Variants in ATP9B observed in about 807,000 individuals in gnomAD.
The protein encoded by ATP9B is probable phospholipid-transporting ATPase IIB.
Under a neutral mutation model 146.1 loss-of-function variants are expected in ATP9B, and 110 were observed. That is an observed-to-expected ratio of 0.75 (90% CI 0.65 to 0.88). ATP9B has a LOEUF of 0.88. Ranked by LOEUF, ATP9B falls within the 40% of genes least tolerant of loss-of-function variation. The pLI is 0.00. For missense variants in ATP9B, 1,499 were observed against 1,496.4 expected (o/e 1.00, Z -0.03); for synonymous variants, 604 against 569.7 (o/e 1.06, Z -0.86).
At chr18:79,169,243 G>T (rs147716225) in intron 7 of ATP9B, among the ~76,000 whole-genome samples, 2 of 152,136 alleles carry the variant, frequency 1.3e-5, no homozygotes, top group African/African-American at 4.8e-5. Flanking sequence ...CTATTTGTAT[G>T]GTCAACCCCA....
At position 79,327,572 on chromosome 18, in the gene ATP9B, AGCGTGCTCTCCGTGGTTAACG is replaced by A. The variant is rs1568697761; in HGVS notation, c.1774-1568_1774-1548del. Among the ~76,000 whole-genome samples, 876 of 134,436 alleles carry A rather than the reference AGCGTGCTCTCCGTGGTTAACG, an allele frequency of 6.5e-3. 79 individuals carry two copies. The highest frequency in any genetic ancestry group is 0.024 in the African/African-American group (804 of 34,114). 88.2% of individuals were successfully genotyped at this position (134,436 alleles called of 152,430 possible). A position where few individuals can be genotyped will look rare whatever the true frequency, so the allele number is the denominator to read the frequency against. ...CGTGGTTAGCGTGCTCTCCGTGGTT[AGCGTGCTCTCCGTGGTTAACG>A]TGCCCTCCGTGGTTAGCGTGCCCTC... is the stretch of plus-strand genomic sequence containing the variant. On this transcript the variant is annotated intron_variant, in intron 15 of 29. Coordinates refer to ENST00000426216, the MANE Select transcript of ATP9B (RefSeq NM_198531.5).
At chr18:79,328,675 T>A (rs1028776951) in intron 15 of ATP9B, among the ~76,000 whole-genome samples, 1 of 152,210 alleles carries the variant, frequency 6.6e-6, no homozygotes, top group African/African-American at 2.4e-5. Flanking sequence ...TAGAGTTAAT[T>A]AGTCACCAAT....
At position 79,236,583 on chromosome 18, in the gene ATP9B, C is replaced by G. The variant is rs1053895476; in HGVS notation, c.1108-16798C>G. Reference sequence around the variant, plus strand: ...TCCTTTCTGTTACATTTCTAAACATCTAGAATTGGTTTTTGTATATAAGAA... The same window carrying G: ...TCCTTTCTGTTACATTTCTAAACATGTAGAATTGGTTTTTGTATATAAGAA... On this transcript the variant is annotated intron_variant, in intron 11 of 29. Coordinates refer to ENST00000426216, the MANE Select transcript of ATP9B (RefSeq NM_198531.5). Among the ~76,000 whole-genome samples the G allele has an allele frequency of 5.9e-5, 9 of 152,284 alleles. No individual in the cohort carries two copies. The South Asian group carries it at 8.3e-4, about 14-fold the overall frequency.
rs146536833 is a variant in ATP9B, at chr18:79,374,132, G to A, written c.3274+31G>A. 822 of 1,598,552 alleles carry A rather than the reference G, an allele frequency of 5.1e-4. 4 individuals carry two copies. In the African/African-American group the frequency reaches 7.9e-3, roughly 15 times the overall value. On this transcript the variant is annotated intron_variant, in intron 28 of 29. Coordinates refer to ENST00000426216, the MANE Select transcript of ATP9B (RefSeq NM_198531.5). ...TTGCCTTGGAATTGTTTTTTGAATC[G>A]TTCTCTATTCATGATTTTGAAGTAT...
chr18:79,123,844 T>C (rs1024776675), intron 4 of ATP9B, among the ~76,000 whole-genome samples: 2 of 152,122 alleles, frequency 1.3e-5, no homozygotes, highest in Admixed American at 6.6e-5. Flanking sequence ...AGGAAAAAGG[T>C]AGGTAAAGGA....
intron 8 of ATP9B, among the ~76,000 whole-genome samples, chr18:79,182,636 G>A (rs1053249348): frequency 9.6e-6 from 1 of 103,832 alleles, no homozygotes; most frequent in South Asian, 2.8e-4. Context: ...TGTTTTCATG[G>A]GAGGACAAGT....
In ATP9B at chr18:79,110,462, C is replaced by A. The variant is rs757682267; in HGVS notation, c.401C>A (p.Ser134Tyr). The A allele has an allele frequency of 5.6e-6, 9 of 1,613,060 alleles. No individual in the cohort carries two copies. The highest frequency in any genetic ancestry group is 7.6e-6 in the Non-Finnish European group (9 of 1,179,430). The change falls in exon 3 of 30, where the codon TCT (serine) becomes TAT (tyrosine). Residue 134 changes from serine (S) to tyrosine (Y), a missense_variant. Physicochemically the swap from Ser to Tyr is moderately radical, Grantham distance 144 (BLOSUM62 -2). Coordinates refer to ENST00000426216, the MANE Select transcript of ATP9B (RefSeq NM_198531.5). The stretch of plus-strand genomic sequence containing the variant: ...TGTGAAGAAAAACATCCCAGGAATT[C>A]TATAAAAAATCAAAAATACAATGTG... Reference protein sequence around the residue: ...EKCEEKHPRNSIKNQKYNVFT... With the variant: ...EKCEEKHPRNYIKNQKYNVFT...
In ATP9B at chr18:79,282,661, G is replaced by A. The variant is rs556904741; in HGVS notation, c.1411+5465G>A. On this transcript the variant is annotated intron_variant, in intron 13 of 29. Coordinates refer to ENST00000426216, the MANE Select transcript of ATP9B (RefSeq NM_198531.5). ...ATCACTTTTCTATGAACTGGGAAAC[G>A]CAAAAAGTCATGTGGCTCACTTTGT... Among the ~76,000 whole-genome samples, 251 of 152,260 alleles carry A rather than the reference G, an allele frequency of 1.6e-3. 2 individuals are homozygous for A. The highest frequency in any genetic ancestry group is 3.0e-3 in the Non-Finnish European group (205 of 68,018).
intron 6 of ATP9B, among the ~76,000 whole-genome samples, chr18:79,148,716 A>G (rs2094632919): frequency 6.6e-6 from 1 of 152,262 alleles, no homozygotes; most frequent in Non-Finnish European, 1.5e-5. Context: ...TCTGTAAGGC[A>G]AGAAAATAAA....
intron 11 of ATP9B, among the ~76,000 whole-genome samples, chr18:79,250,028 A>T (rs557143273): frequency 1.8e-4 from 28 of 152,302 alleles, no homozygotes; most frequent in African/African-American, 6.3e-4. Context: ...GGGTTGGGAG[A>T]AGACAACATA....
At chr18:79,366,183 G>T (rs905330050) in intron 26 of ATP9B, among the ~76,000 whole-genome samples, 1 of 152,244 alleles carries the variant, frequency 6.6e-6, no homozygotes, top group Non-Finnish European at 1.5e-5. Flanking sequence ...TTTGAGTGTA[G>T]AGGGTGACCG....
At chr18:79,327,632 C>CT in intron 15 of ATP9B, among the ~76,000 whole-genome samples, 2 of 137,170 alleles carry the variant, frequency 1.5e-5, no homozygotes, top group Admixed American at 7.4e-5. Flanking sequence ...GGTTAGTGTG[C>CT]CCTCCCTGGT....
In ATP9B at chr18:79,275,986, C is replaced by T. The variant is rs114380189; in HGVS notation, c.1269-1068C>T. Among the ~76,000 whole-genome samples the T allele has an allele frequency of 4.6e-3, 701 of 152,268 alleles. 4 individuals carry two copies. The highest frequency in any genetic ancestry group is 0.012 in the African/African-American group (513 of 41,542). On this transcript the variant is annotated intron_variant, in intron 12 of 29. Transcript: ENST00000426216. ...ACTGTGATTCCTAAAGACTATTTTT[C>T]GAGTGTGTACTTATTAATAGTTGAG...
intron 11 of ATP9B, among the ~76,000 whole-genome samples, chr18:79,220,900 C>T (rs2095670617): frequency 1.3e-5 from 2 of 152,218 alleles, no homozygotes; most frequent in Admixed American, 6.5e-5. Context: ...CTGCCTCTGA[C>T]TTGCTCTCTT....
intron 11 of ATP9B, among the ~76,000 whole-genome samples, chr18:79,232,257 C>T (rs928195245): frequency 6.6e-6 from 1 of 152,172 alleles, no homozygotes; most frequent in Non-Finnish European, 1.5e-5. Flanking sequence ...GGCACAGACC[C>T]ATTAAAAAAC....
At chr18:79,071,302 T>C (rs1316208154) in intron 1 of ATP9B, among the ~76,000 whole-genome samples, 1 of 151,638 alleles carries the variant, frequency 6.6e-6, no homozygotes, top group Non-Finnish European at 1.5e-5. Flanking sequence ...ACAGTTTTTG[T>C]GTCAGTCATC....
intron 15 of ATP9B, among the ~76,000 whole-genome samples, chr18:79,312,774 T>C (rs976130160): frequency 6.6e-6 from 1 of 152,214 alleles, no homozygotes; most frequent in Non-Finnish European, 1.5e-5. Context: ...AGCAAGGCCA[T>C]GTCCCAAAGT....
At chr18:79,145,247 G>C (rs1370724561) in intron 6 of ATP9B, 1 of 154,054 alleles carries the variant, frequency 6.5e-6, no homozygotes, top group East Asian at 2.1e-4. Context: ...AGTGACTGAA[G>C]GTGCAAGCTG....
intron 27 of ATP9B, among the ~76,000 whole-genome samples, chr18:79,373,326 T>G (rs2097083387): frequency 6.6e-6 from 1 of 152,170 alleles, no homozygotes; most frequent in Non-Finnish European, 1.5e-5. Context: ...TTATTTACAC[T>G]AATTGAAGTA....
Sources: gnomAD v4.1 joint callset for allele counts (sites outside exome capture counted in the v4.1 genomes callset) on GRCh38, gnomAD v4.1.1 for gene constraint, MANE v1.5 for transcripts, NCBI Gene and HGNC (gene_info 2026-07-23, HGNC 2026-07-21) for gene names.